The following GUCY1A1 variants were observed in gnomAD, a reference collection of about 807,000 sequenced individuals.
GUCY1A1 encodes guanylate cyclase soluble subunit alpha-1.
In GUCY1A1, 48 loss-of-function variants were observed where a neutral mutation model predicts 64.5. That is an observed-to-expected ratio of 0.74 (90% CI 0.59 to 0.95). The LOEUF (loss-of-function observed/expected upper bound fraction) is 0.95. Ranked by LOEUF, GUCY1A1 falls within the 40% of genes least tolerant of loss-of-function variation. The pLI, the probability that GUCY1A1 is intolerant of heterozygous loss-of-function variation, is 0.00. For synonymous variants in GUCY1A1, 308 were observed against 303.4 expected, an observed-to-expected ratio of 1.02 and a Z score of -0.16; for missense variants, 804 against 825.3, an observed-to-expected ratio of 0.97 and a Z score of 0.32.
intron 4 of GUCY1A1, among the ~76,000 whole-genome samples, chr4:155,705,683 G>T (rs1449551205): frequency 6.6e-6 from 1 of 152,080 alleles, no homozygotes; most frequent in South Asian, 2.1e-4. Flanking sequence ...CAGCACTATT[G>T]TCAGGAATGT....
At position 155,730,050 on chromosome 4, in the gene GUCY1A1, G is replaced by T; in HGVS notation, c.1892G>T (p.Gly631Val). Residue 631 changes from glycine (G) to valine (V), a missense_variant, in exon 10 of 10, where the codon GGT becomes GTT. Transcript: ENST00000506455. ...TTCAGATTACTCAAAGACTGTCCTG[G>T]TTTCGTGTTTACCCCTCGATCAAGG... ...TTYRLLKDCP[G>V]FVFTPRSREE... 1.2e-6 allele frequency: 2 copies of T among 1,605,040 alleles called. No homozygotes were observed. The highest frequency in any genetic ancestry group is 1.7e-6 in the Non-Finnish European group (2 of 1,172,478).
In GUCY1A1 at chr4:155,696,991, G is replaced by C; in HGVS notation, c.124G>C (p.Ala42Pro). ...EAAGSSESCKATVPICQDIPE... is the reference protein window; with the variant it reads ...EAAGSSESCKPTVPICQDIPE... ...AGCAGGAAGCTCAGAGAGCTGCAAAGCAACCGTGCCCATCTGTCAAGACAT... is the reference window on the plus strand; with the variant it reads ...AGCAGGAAGCTCAGAGAGCTGCAAACCAACCGTGCCCATCTGTCAAGACAT... The change falls in exon 3 of 10, where the codon GCA becomes CCA. Residue 42 changes from alanine to proline, a missense_variant. Ala to Pro is a conservative substitution (Grantham distance 27). Transcript: ENST00000506455. The C allele has an allele frequency of 1.2e-6, 2 of 1,613,804 alleles. No homozygotes were observed. Among genetic ancestry groups the C allele is most frequent in the Non-Finnish European group, 1.7e-6 (2 of 1,179,764 alleles).
At chr4:155,701,581 G>A (rs143847589) in intron 3 of GUCY1A1, among the ~76,000 whole-genome samples, 2 of 152,140 alleles carry the variant, frequency 1.3e-5, no homozygotes, top group Non-Finnish European at 1.5e-5. Flanking sequence ...GCATGGAAGA[G>A]GAAGAAGAAA....
chr4:155,696,912 T>C lies in GUCY1A1; in HGVS notation c.45T>C (p.Cys15=). 6.2e-7 allele frequency: 1 copy of C among 1,611,840 alleles called. No individual in the cohort carries two copies. The highest frequency in any genetic ancestry group is 8.5e-7 in the Non-Finnish European group (1 of 1,178,012). Residue 15 remains cysteine (C), a synonymous_variant, in exon 3 of 10, where the codon TGT becomes TGC. Coordinates refer to ENST00000506455, the MANE Select transcript of GUCY1A1 (RefSeq NM_001130682.3). ...KLKDLKITGE[C]PFSLLAPGQV... ...AGGATCTCAAGATCACAGGAGAGTGTCCTTTCTCCTTACTGGCACCAGGTC... is the reference window on the plus strand; with the variant it reads ...AGGATCTCAAGATCACAGGAGAGTGCCCTTTCTCCTTACTGGCACCAGGTC...
At chr4:155,717,921 T>C (rs1286357919) in intron 8 of GUCY1A1, among the ~76,000 whole-genome samples, 1 of 152,178 alleles carries the variant, frequency 6.6e-6, no homozygotes, top group Non-Finnish European at 1.5e-5. Context: ...AAGCTGCAAG[T>C]TAGTTTAGAA....
At chr4:155,682,732 A>G (rs776211194) in intron 2 of GUCY1A1, among the ~76,000 whole-genome samples, 1 of 149,228 alleles carries the variant, frequency 6.7e-6, no homozygotes, top group African/African-American at 2.5e-5. Flanking sequence ...GTGTGTGTAT[A>G]TACCCCACTC....
rs192826327 is a variant in GUCY1A1, at chr4:155,680,329, G to C, written c.-113+12910G>C. Among the ~76,000 whole-genome samples, 281 of 152,284 alleles carry C rather than the reference G, an allele frequency of 1.8e-3. 2 individuals carry two copies. Among genetic ancestry groups the C allele is most frequent in the Non-Finnish European group, 4.3e-4 (29 of 68,018 alleles). On this transcript the variant is annotated intron_variant, in intron 2 of 9. Transcript: ENST00000506455. ...TTAAAATAATTATTTTCCAGTATTT[G>C]TGGCTAGTACAGAAGTTATAATGGA...
chr4:155,717,431 C>G, intron 8 of GUCY1A1, 129 bp downstream of exon 8: 1 of 491,530 alleles, frequency 2.0e-6, no homozygotes, highest in Non-Finnish European at 3.4e-6. Flanking sequence ...ATATAGAGAA[C>G]ACAATCTTCT....
chr4:155,700,161 G>C (rs1408143041), intron 3 of GUCY1A1, among the ~76,000 whole-genome samples: 1 of 152,020 alleles, frequency 6.6e-6, no homozygotes, highest in South Asian at 2.1e-4. Context: ...CAGGCATACT[G>C]TCTTGAAGGA....
At chr4:155,714,125 T>A (rs34426100) in intron 7 of GUCY1A1, among the ~76,000 whole-genome samples, 2 of 152,182 alleles carry the variant, frequency 1.3e-5, no homozygotes, top group African/African-American at 2.4e-5. Flanking sequence ...ACTTAAGGCA[T>A]TTTTGCAGCT....
chr4:155,713,494 T>C lies in GUCY1A1; in HGVS notation c.1483T>C (p.Ser495Pro). 3 of 1,614,098 alleles carry C rather than the reference T, an allele frequency of 1.9e-6. No homozygotes were observed. Among genetic ancestry groups the C allele is most frequent in the Non-Finnish European group, 2.5e-6 (3 of 1,179,976 alleles). Reference sequence around the variant, plus strand: ...CATCGTTGGGTTCACTGCCATCTGCTCCCAGTGCTCACCGCTGCAGGTCAT... The same window carrying C: ...CATCGTTGGGTTCACTGCCATCTGCCCCCAGTGCTCACCGCTGCAGGTCAT... ...SDIVGFTAIC[S>P]QCSPLQVITM... Residue 495 changes from serine to proline, a missense_variant, in exon 7 of 10, where the codon TCC becomes CCC. Ser to Pro is a moderately conservative substitution (Grantham distance 74). Transcript: ENST00000506455.
At position 155,717,277 on chromosome 4, in the gene GUCY1A1, T is replaced by A; in HGVS notation, c.1691T>A (p.Met564Lys). Reference protein sequence around the residue: ...LKMMELSDEVMSPHGEPIKMR... With the variant: ...LKMMELSDEVKSPHGEPIKMR... ...ATGATGGAGCTCTCTGATGAAGTTA[T>A]GTCTCCCCATGGAGAACCTATCAAG... is the stretch of plus-strand genomic sequence containing the variant. The change falls in exon 8 of 10, where the codon ATG (methionine) becomes AAG (lysine). Residue 564 changes from methionine to lysine, a missense_variant. Transcript: ENST00000506455. The A allele has an allele frequency of 6.3e-7, 1 of 1,594,668 alleles. No homozygotes were observed. Among genetic ancestry groups the A allele is most frequent in the South Asian group, 1.1e-5 (1 of 87,762 alleles).
intron 8 of GUCY1A1, among the ~76,000 whole-genome samples, chr4:155,721,487 T>C (rs1733951544): frequency 6.6e-6 from 1 of 152,146 alleles, no homozygotes; most frequent in African/African-American, 2.4e-5. Context: ...CCTCTGTCAT[T>C]TTCTGCTTAA....
chr4:155,706,992 C>A (rs1731869711), intron 4 of GUCY1A1, among the ~76,000 whole-genome samples: 1 of 152,150 alleles, frequency 6.6e-6, no homozygotes, highest in South Asian at 2.1e-4. Flanking sequence ...GAATAGGTTT[C>A]TTTCATTACT....
At chr4:155,693,329 G>A (rs888075515) in intron 2 of GUCY1A1, among the ~76,000 whole-genome samples, 10 of 152,030 alleles carry the variant, frequency 6.6e-5, no homozygotes, top group African/African-American at 9.7e-5. Context: ...TCTTGCCAAG[G>A]CCTGTCGCCA....
At position 155,674,847 on chromosome 4, in the gene GUCY1A1, C is replaced by T. The variant is rs1734672711; in HGVS notation, c.-113+7428C>T. 1.3e-5 allele frequency among the ~76,000 whole-genome samples: 2 copies of T among 151,664 alleles called. 1 individual carries two copies. The highest frequency in any genetic ancestry group is 4.9e-5 in the African/African-American group (2 of 40,914). On this transcript the variant is annotated intron_variant, in intron 2 of 9. Transcript: ENST00000506455. ...AATAAAAGGCATAATATAGTAAATA[C>T]ATAAACCAATAAAATAGTACTTTAT...
At position 155,722,274 on chromosome 4, in the gene GUCY1A1, T is replaced by G. The variant is rs11947797; in HGVS notation, c.1871+82T>G. 10,605 of 1,519,476 alleles carry G rather than the reference T, an allele frequency of 7.0e-3. 669 individuals are homozygous for G. In the African/African-American group the frequency reaches 0.13, roughly 19 times the overall value. 94.1% of individuals were successfully genotyped at this position (1,519,476 alleles called of 1,614,324 possible). A position where few individuals can be genotyped will look rare whatever the true frequency, so the allele number is the denominator to read the frequency against. On this transcript the variant is annotated intron_variant, in intron 9 of 9. Transcript: ENST00000506455. ...TTTGCCCCACTGATTTGATTCATTC[T>G]TCATAACTTTTTTCTTCCTTAGTCG...
chr4:155,687,774 A>G (rs1246328111), intron 2 of GUCY1A1, among the ~76,000 whole-genome samples: 1 of 152,196 alleles, frequency 6.6e-6, no homozygotes, highest in Non-Finnish European at 1.5e-5. Context: ...CCATCTGTTC[A>G]TGTAGCCTAA....
intron 2 of GUCY1A1, among the ~76,000 whole-genome samples, chr4:155,669,616 A>G (rs1472879875): frequency 6.6e-6 from 1 of 152,138 alleles, no homozygotes; most frequent in East Asian, 1.9e-4. Flanking sequence ...AGCTATTTTA[A>G]TATTTCACTA....
Sources: gnomAD v4.1 joint callset for allele counts (sites outside exome capture counted in the v4.1 genomes callset) on GRCh38, gnomAD v4.1.1 for gene constraint, MANE v1.5 for transcripts, NCBI Gene and HGNC (gene_info 2026-07-23, HGNC 2026-07-21) for gene names.